The following C14orf132 variants were observed in gnomAD, a reference collection of about 807,000 sequenced individuals.
C14orf132 encodes chromosome 14 open reading frame 132.
Under a neutral mutation model 5.8 loss-of-function variants are expected in C14orf132, and 6 were observed. That is an observed-to-expected ratio of 1.03 (90% CI 0.57 to 2.04). C14orf132 has a LOEUF of 2.04. Ranked by LOEUF, C14orf132 falls within the 30% of genes most tolerant of loss-of-function variation. The probability of loss-of-function intolerance (pLI) is 0.00; values close to 1 mark genes in which losing one functional copy is unlikely to be tolerated. For missense variants in C14orf132, 125 were observed against 115.8 expected (o/e 1.08, Z -0.37); for synonymous variants, 51 against 49.8 (o/e 1.02, Z -0.10).
At chr14:96,055,943 C>T (rs1427124158) in intron 1 of C14orf132, among the ~76,000 whole-genome samples, 1 of 152,194 alleles carries the variant, frequency 6.6e-6, no homozygotes, top group African/African-American at 2.4e-5. Flanking sequence ...CGCACCTAGG[C>T]TCTGGGACTG....
At chr14:96,054,629 C>T (rs1887126627) in intron 1 of C14orf132, among the ~76,000 whole-genome samples, 1 of 152,176 alleles carries the variant, frequency 6.6e-6, no homozygotes, top group South Asian at 2.1e-4. Flanking sequence ...GCAGCATGGA[C>T]ACCAGGAATT....
chr14:96,044,806 C>T (rs1040849752), intron 1 of C14orf132, among the ~76,000 whole-genome samples: 36 of 152,230 alleles, frequency 2.4e-4, no homozygotes, highest in Admixed American at 2.0e-3. Context: ...TGAGTCTCTT[C>T]TCATCTTATG....
chr14:96,069,161 A>C (rs551933375), intron 1 of C14orf132, among the ~76,000 whole-genome samples: 2 of 132,762 alleles, frequency 1.5e-5, no homozygotes, highest in African/African-American at 2.8e-5. Flanking sequence ...CTCATAATAA[A>C]TCTCTTCATA....
intron 1 of C14orf132, among the ~76,000 whole-genome samples, chr14:96,056,131 C>T (rs533446723): frequency 1.3e-5 from 2 of 152,220 alleles, no homozygotes; most frequent in Non-Finnish European, 2.9e-5. Context: ...TCTCAGAATG[C>T]GGTGTAGGCC....
chr14:96,044,608 C>A (rs184874655), intron 1 of C14orf132, among the ~76,000 whole-genome samples: 127 of 152,234 alleles, frequency 8.3e-4, no homozygotes, highest in African/African-American at 2.8e-3. Flanking sequence ...GCTGGAAGTC[C>A]ACAATCCAGG....
chr14:96,080,813 C>A (rs781583815), intron 1 of C14orf132, among the ~76,000 whole-genome samples: 1 of 152,068 alleles, frequency 6.6e-6, no homozygotes, highest in Non-Finnish European at 1.5e-5. Flanking sequence ...CATGGTGCCC[C>A]GACACTGCGG....
Position 96,092,282 on chromosome 14 carries a change from C to T in C14orf132, c.*5547C>T, listed in dbSNP as rs939808464. The T allele has an allele frequency of 9.2e-5, 14 of 152,200 alleles. No individual in the cohort carries two copies. Among genetic ancestry groups the T allele is most frequent in the East Asian group, 1.9e-4 (1 of 5,190 alleles). The allele number at this position is 152,200 out of a possible 1,614,324, so 9.4% of individuals were successfully genotyped here. A position where few individuals can be genotyped will look rare whatever the true frequency, so the allele number is the denominator to read the frequency against. ...CCGTGGCGGCAGCCTCGCGCCTGCC[C>T]GGATGGCTCCATCCAGACATTTGGC... On this transcript the variant is annotated 3_prime_UTR_variant, in exon 2 of 2. Transcript: ENST00000555004.
chr14:96,051,755 A>C (rs978564761), intron 1 of C14orf132, among the ~76,000 whole-genome samples: 2 of 152,118 alleles, frequency 1.3e-5, no homozygotes, highest in Non-Finnish European at 2.9e-5. Flanking sequence ...TGCGTATCCC[A>C]ATAATCAAAT....
intron 1 of C14orf132, among the ~76,000 whole-genome samples, chr14:96,070,282 A>G (rs1184410982): frequency 6.6e-6 from 1 of 152,122 alleles, no homozygotes; most frequent in African/African-American, 2.4e-5. Context: ...TACTTTTTAA[A>G]TAATTGATTG....
chr14:96,062,559 G>A (rs1410957807), intron 1 of C14orf132, among the ~76,000 whole-genome samples: 2 of 152,160 alleles, frequency 1.3e-5, no homozygotes, highest in South Asian at 2.1e-4. Context: ...AGCACTGCCT[G>A]TTTCAATTGG....
At chr14:96,044,885 G>A (rs1243774291) in intron 1 of C14orf132, among the ~76,000 whole-genome samples, 1 of 152,178 alleles carries the variant, frequency 6.6e-6, no homozygotes, top group Non-Finnish European at 1.5e-5. Context: ...CATCTGCAGA[G>A]ACTCTGTTTC....
rs139843284 is a variant in C14orf132 at position 96,067,999 on chromosome 14, G to A, written c.28-18512G>A. Among the ~76,000 whole-genome samples, 157 of 152,238 alleles carry A rather than the reference G, an allele frequency of 1.0e-3. 2 individuals are homozygous for A. The highest frequency in any genetic ancestry group is 3.3e-3 in the African/African-American group (137 of 41,500). On this transcript the variant is annotated intron_variant, in intron 1 of 1. Transcript: ENST00000555004. ...AATAAAACCCAATCATGCCTGTAAC[G>A]TGCTCAGCCCATATCTGGCATATAG...
intron 1 of C14orf132, among the ~76,000 whole-genome samples, chr14:96,050,718 G>A (rs548452463): frequency 2.0e-4 from 30 of 151,836 alleles, no homozygotes; most frequent in African/African-American, 7.2e-4. Flanking sequence ...CCATGGCCTG[G>A]AAACTTTCCA....
chr14:96,070,596 T>TCTCACACACACA lies in C14orf132; in HGVS notation c.28-15914_28-15913insTCACACACACAC, dbSNP rs755530241. On this transcript the variant is annotated intron_variant, in intron 1 of 1. Coordinates refer to ENST00000555004, the MANE Select transcript of C14orf132 (RefSeq NM_001252507.3). ...GGTAGATGAAGTCTCTCTCTCTCTCTCACACACACACACACACACACACAC... is the reference window on the plus strand; with the variant it reads ...GGTAGATGAAGTCTCTCTCTCTCTCTCTCACACACACACACACACACACACACACACACACAC... Among the ~76,000 whole-genome samples, 176 of 142,652 alleles carry TCTCACACACACA rather than the reference T, an allele frequency of 1.2e-3. 1 individual carries two copies. Among genetic ancestry groups the TCTCACACACACA allele is most frequent in the African/African-American group, 2.4e-3 (93 of 38,490 alleles). 93.6% of individuals were successfully genotyped at this position (142,652 alleles called of 152,430 possible). A position where few individuals can be genotyped will look rare whatever the true frequency, so the allele number is the denominator to read the frequency against.
chr14:96,047,577 A>C (rs567777450), intron 1 of C14orf132, among the ~76,000 whole-genome samples: 2 of 152,342 alleles, frequency 1.3e-5, no homozygotes, highest in South Asian at 4.1e-4. Flanking sequence ...TGTGCTGAGC[A>C]ACACACACAA....
At chr14:96,069,778 A>G (rs1193368673) in intron 1 of C14orf132, among the ~76,000 whole-genome samples, 1 of 152,172 alleles carries the variant, frequency 6.6e-6, no homozygotes, top group African/African-American at 2.4e-5. Context: ...GTTTTAAAGG[A>G]CCTCAACATG....
chr14:96,074,206 A>T (rs777872009), intron 1 of C14orf132, among the ~76,000 whole-genome samples: 2 of 152,232 alleles, frequency 1.3e-5, no homozygotes, highest in African/African-American at 2.4e-5. Flanking sequence ...AGGAAAAAAC[A>T]AAGTGGGTTG....
chr14:96,084,283 C>T (rs560584634), intron 1 of C14orf132, among the ~76,000 whole-genome samples: 3 of 152,164 alleles, frequency 2.0e-5, no homozygotes, highest in Middle Eastern at 3.4e-3. Flanking sequence ...GCAGGGGTCG[C>T]GGGGGGATGT....
chr14:96,056,521 G>C (rs897068036), intron 1 of C14orf132, among the ~76,000 whole-genome samples: 5 of 152,188 alleles, frequency 3.3e-5, no homozygotes, highest in Admixed American at 6.5e-5. Flanking sequence ...TTTGAAACCA[G>C]CTGGGTGACT....
Sources: allele counts gnomAD v4.1 joint callset (sites outside exome capture counted in the v4.1 genomes callset), GRCh38; gene constraint gnomAD v4.1.1; transcripts MANE v1.5; gene names NCBI Gene and HGNC (gene_info 2026-07-23, HGNC 2026-07-21).